The following PNOC variants were observed in gnomAD, a reference collection of about 807,000 sequenced individuals.
The protein encoded by PNOC is prepronociceptin.
In PNOC, 10 loss-of-function variants were observed where a neutral mutation model predicts 15.6. The ratio of observed to expected loss-of-function variants is 0.64; its 90% CI spans 0.40 to 1.09. The LOEUF (loss-of-function observed/expected upper bound fraction) is 1.09. Ranked by LOEUF, PNOC falls within the 50% of genes least tolerant of loss-of-function variation. The pLI is 0.01. For synonymous variants in PNOC, 98 were observed against 88.5 expected, an observed-to-expected ratio of 1.11 and a Z score of -0.60; for missense variants, 220 against 223.9, an observed-to-expected ratio of 0.98 and a Z score of 0.11.
At chr8:28,330,497 C>A (rs1460226630) in intron 2 of PNOC, among the ~76,000 whole-genome samples, 1 of 145,780 alleles carries the variant, frequency 6.9e-6, no homozygotes, top group Admixed American at 7.0e-5. Flanking sequence ...TGGGTTCATG[C>A]CATTCTCCTG....
At chr8:28,329,372 C>G in intron 2 of PNOC, 89 bp downstream of exon 2, 1 of 1,472,716 alleles carries the variant, frequency 6.8e-7, no homozygotes, top group East Asian at 2.3e-5. Context: ...AGTGAGAAGC[C>G]AAGGCCTCTC....
In PNOC at chr8:28,329,935, C is replaced by T. The variant is rs149656748; in HGVS notation, c.126+652C>T. Among the ~76,000 whole-genome samples, 901 of 151,912 alleles carry T rather than the reference C, an allele frequency of 5.9e-3. 7 individuals are homozygous for T. Among genetic ancestry groups the T allele is most frequent in the Middle Eastern group, 0.02 (6 of 294 alleles). Reference sequence around the variant, plus strand: ...GGATGTGCATAGCCATTTTATTGATCATTTTTATTTTTATTTATTCATTTT... The same window carrying T: ...GGATGTGCATAGCCATTTTATTGATTATTTTTATTTTTATTTATTCATTTT... On this transcript the variant is annotated intron_variant, in intron 2 of 3. Coordinates refer to ENST00000301908, the MANE Select transcript of PNOC (RefSeq NM_006228.5).
At chr8:28,341,923 T>C (rs955255121) in intron 3 of PNOC, among the ~76,000 whole-genome samples, 1 of 152,216 alleles carries the variant, frequency 6.6e-6, no homozygotes, top group Non-Finnish European at 1.5e-5. Context: ...CTACACATGA[T>C]GGAGATGTCT....
chr8:28,339,263 A>C lies in PNOC; in HGVS notation c.350A>C (p.Glu117Ala). The change falls in exon 3 of 4, where the codon GAG becomes GCG. Residue 117 changes from glutamate to alanine, a missense_variant. Coordinates refer to ENST00000301908, the MANE Select transcript of PNOC (RefSeq NM_006228.5). ...EQEEPEPGME[E>A]AGEMEQKQLQ... is the part of the protein sequence containing the mutation. ...GAAGAGCCCGAGCCTGGCATGGAGG[A>C]GGCTGGTGAGATGGAGCAGAAGCAG... 1 of 1,608,028 alleles carries C rather than the reference A, an allele frequency of 6.2e-7. No homozygotes were observed.
rs186183627 is a variant in PNOC at position 28,320,353 on chromosome 8, G to T, written c.-24+3037G>T. On this transcript the variant is annotated intron_variant, in intron 1 of 3. Coordinates refer to ENST00000301908, the MANE Select transcript of PNOC (RefSeq NM_006228.5). Reference sequence around the variant, plus strand: ...GCCAAGGAACGTGTGTGGGGTTCCTGATAGGAGCCACACAGAGCAAGTGCC... The same window carrying T: ...GCCAAGGAACGTGTGTGGGGTTCCTTATAGGAGCCACACAGAGCAAGTGCC... Among the ~76,000 whole-genome samples, 472 of 151,956 alleles carry T rather than the reference G, an allele frequency of 3.1e-3. 2 individuals carry two copies. Among genetic ancestry groups the T allele is most frequent in the African/African-American group, 0.011 (447 of 41,462 alleles).
chr8:28,332,916 A>G (rs1354505959), intron 2 of PNOC, among the ~76,000 whole-genome samples: 1 of 152,200 alleles, frequency 6.6e-6, no homozygotes. Flanking sequence ...ATGCTACTGC[A>G]CTCCAGCCTG....
chr8:28,328,213 G>A (rs1297341277), intron 1 of PNOC, among the ~76,000 whole-genome samples: 2 of 151,722 alleles, frequency 1.3e-5, no homozygotes, highest in Non-Finnish European at 2.9e-5. Flanking sequence ...GATTACAAGT[G>A]TGTACCACCA....
intron 2 of PNOC, among the ~76,000 whole-genome samples, chr8:28,330,396 A>ATTTTTT (rs67554549): frequency 1.0e-3 from 84 of 80,388 alleles, no homozygotes; most frequent in East Asian, 3.4e-3. Flanking sequence ...ATTTTATTTT[A>ATTTTTT]TTTTTTTTTT....
At chr8:28,333,200 T>G (rs928667119) in intron 2 of PNOC, among the ~76,000 whole-genome samples, 3 of 152,160 alleles carry the variant, frequency 2.0e-5, no homozygotes, top group Non-Finnish European at 4.4e-5. Flanking sequence ...TTGACCACCT[T>G]TGTGAGCTGC....
chr8:28,327,424 C>T (rs1366167823), intron 1 of PNOC, among the ~76,000 whole-genome samples: 9 of 152,194 alleles, frequency 5.9e-5, no homozygotes, highest in Admixed American at 1.3e-4. Context: ...ATAGCAAGTT[C>T]CACATGCCAG....
chr8:28,321,704 A>G (rs1801155071), intron 1 of PNOC, among the ~76,000 whole-genome samples: 1 of 152,208 alleles, frequency 6.6e-6, no homozygotes, highest in Non-Finnish European at 1.5e-5. Context: ...ACAGGTAACG[A>G]CAGAGCCAGA....
At chr8:28,330,408 T>TA (rs1257291054) in intron 2 of PNOC, among the ~76,000 whole-genome samples, 1 of 139,950 alleles carries the variant, frequency 7.1e-6, no homozygotes, top group Non-Finnish European at 1.6e-5. Flanking sequence ...TTTTTTTTTT[T>TA]TTTTGAGACG....
intron 2 of PNOC, 86 bp from the exon 3 acceptor site, chr8:28,338,953 TG>T: frequency 7.9e-7 from 1 of 1,265,284 alleles, no homozygotes; most frequent in Non-Finnish European, 1.1e-6. Flanking sequence ...GCACTTGCAC[TG>T]GTGCAGTGGG....
At chr8:28,337,175 A>G (rs1486427912) in intron 2 of PNOC, among the ~76,000 whole-genome samples, 1 of 152,208 alleles carries the variant, frequency 6.6e-6, no homozygotes, top group Middle Eastern at 3.2e-3. Context: ...CATGGTTTCT[A>G]GATGGCAAAC....
intron 1 of PNOC, among the ~76,000 whole-genome samples, chr8:28,322,876 T>A (rs1801172106): frequency 6.6e-6 from 1 of 152,226 alleles, no homozygotes; most frequent in Non-Finnish European, 1.5e-5. Context: ...GAGTTTATGT[T>A]CATTTTAAAA....
intron 3 of PNOC, among the ~76,000 whole-genome samples, chr8:28,341,342 T>C (rs893885779): frequency 6.6e-6 from 1 of 152,246 alleles, no homozygotes; most frequent in Non-Finnish European, 1.5e-5. Context: ...CCTGCACTGC[T>C]TTTGAAGTCA....
chr8:28,343,200 G>T lies in PNOC; in HGVS notation c.*306G>T, dbSNP rs1352844133. 1.9e-5 allele frequency: 3 copies of T among 159,006 alleles called. No individual in the cohort carries two copies. Among genetic ancestry groups the T allele is most frequent in the Non-Finnish European group, 4.1e-5 (3 of 73,820 alleles). The allele number at this position is 159,006 out of a possible 1,614,324, so 9.8% of individuals were successfully genotyped here. On this transcript the variant is annotated 3_prime_UTR_variant, in exon 4 of 4. Transcript: ENST00000301908. ...CATCTCTCCTGCTCACCCGCCTCTT[G>T]CCCCTTCTAGGGGCAGGTGAAAGGA...
intron 1 of PNOC, among the ~76,000 whole-genome samples, chr8:28,323,924 A>T (rs1801185035): frequency 6.6e-6 from 1 of 152,260 alleles, no homozygotes; most frequent in South Asian, 2.1e-4. Flanking sequence ...GGTGGATGGA[A>T]CTATGTGGTC....
chr8:28,338,225 A>G (rs568700032), intron 2 of PNOC, among the ~76,000 whole-genome samples: 30 of 152,126 alleles, frequency 2.0e-4, no homozygotes, highest in South Asian at 6.2e-4. Context: ...AGGAGACCCA[A>G]TCAGAACCAA....
Sources: allele counts gnomAD v4.1 joint callset (sites outside exome capture counted in the v4.1 genomes callset), GRCh38; gene constraint gnomAD v4.1.1; transcripts MANE v1.5; gene names NCBI Gene and HGNC (gene_info 2026-07-23, HGNC 2026-07-21).